The following CARMIL1 variants were observed in gnomAD, a reference collection of about 807,000 sequenced individuals.
CARMIL1 encodes the protein capping protein regulator and myosin 1 linker 1.
Under a neutral mutation model 177.1 loss-of-function variants are expected in CARMIL1, and 90 were observed. That is an observed-to-expected ratio of 0.51 (90% CI 0.43 to 0.61). CARMIL1 has a LOEUF of 0.61. Ranked by LOEUF, CARMIL1 falls within the 20% of genes least tolerant of loss-of-function variation. The probability of loss-of-function intolerance (pLI) is 0.00; values close to 1 mark genes in which losing one functional copy is unlikely to be tolerated. For missense variants in CARMIL1, 1,380 were observed against 1,667.0 expected, an observed-to-expected ratio of 0.83 and a Z score of 3.00; for synonymous variants, 577 against 606.2, an observed-to-expected ratio of 0.95 and a Z score of 0.71.
chr6:25,560,928 T>C lies in CARMIL1; in HGVS notation c.2742+4078T>C, dbSNP rs896725015. On this transcript the variant is annotated intron_variant, in intron 29 of 36. Coordinates refer to ENST00000329474, the MANE Select transcript of CARMIL1 (RefSeq NM_017640.6). The stretch of plus-strand genomic sequence containing the variant: ...AAATATCTGCTGTGTTCAGTTGTTA[T>C]CCAATTGTTAGAAATGAAGTTGCCC... Among the ~76,000 whole-genome samples, 13 of 152,312 alleles carry C rather than the reference T, an allele frequency of 8.5e-5. No individual in the cohort carries two copies. In the East Asian group the frequency reaches 2.5e-3, roughly 29 times the overall value.
At chr6:25,522,512 C>T (rs1400738817) in intron 23 of CARMIL1, among the ~76,000 whole-genome samples, 1 of 152,112 alleles carries the variant, frequency 6.6e-6, no homozygotes, top group Non-Finnish European at 1.5e-5. Flanking sequence ...TTTGAGAATC[C>T]CTACTGTATT....
In CARMIL1 at chr6:25,604,855, C is replaced by A; in HGVS notation, c.3596C>A (p.Ala1199Asp). The A allele has an allele frequency of 6.3e-7, 1 of 1,598,706 alleles. No homozygotes were observed. The highest frequency in any genetic ancestry group is 1.1e-5 in the South Asian group (1 of 87,784). The change falls in exon 34 of 37, where the codon GCT (alanine) becomes GAT (aspartate). Residue 1199 changes from alanine (A) to aspartate (D), a missense_variant. Transcript: ENST00000329474. ...GTATCCCAGGATTCTTCCAGCCCAG[C>A]TTTGAGCGGCGTAGAACGGTCGGAT... is the stretch of plus-strand genomic sequence containing the variant. Reference protein sequence around the residue: ...DAVSQDSSSPALSGVERSDGG... With the variant: ...DAVSQDSSSPDLSGVERSDGG...
intron 2 of CARMIL1, among the ~76,000 whole-genome samples, chr6:25,287,822 C>G (rs973704407): frequency 1.3e-5 from 2 of 152,208 alleles, no homozygotes; most frequent in African/African-American, 4.8e-5. Context: ...TACTTTGTTC[C>G]ATGGTTGCTG....
intron 2 of CARMIL1, among the ~76,000 whole-genome samples, chr6:25,404,587 C>A (rs1794190213): frequency 6.6e-6 from 1 of 152,068 alleles, no homozygotes; most frequent in Admixed American, 6.5e-5. Flanking sequence ...TAAAACCCAT[C>A]TCTACTAAAA....
chr6:25,305,862 A>T (rs2150187336), intron 2 of CARMIL1, among the ~76,000 whole-genome samples: 1 of 152,358 alleles, frequency 6.6e-6, no homozygotes. Context: ...ACCACTGAAG[A>T]CATGTTCATC....
intron 2 of CARMIL1, among the ~76,000 whole-genome samples, chr6:25,392,891 GA>G (rs1214185740): frequency 4.7e-5 from 7 of 147,928 alleles, no homozygotes; most frequent in African/African-American, 1.2e-4. Context: ...TAGTGGATGG[GA>G]AAAAAAAAAC....
rs533737213 is a variant in CARMIL1 at position 25,512,744 on chromosome 6, G to C, written c.1632+1982G>C. Reference sequence around the variant, plus strand: ...GGTTCCAGTGTCACCTTCAACTATAGACAGTGGTTTTCAGTCTGCTGCACC... The same window carrying C: ...GGTTCCAGTGTCACCTTCAACTATACACAGTGGTTTTCAGTCTGCTGCACC... On this transcript the variant is annotated intron_variant, in intron 20 of 36. Transcript: ENST00000329474. Among the ~76,000 whole-genome samples the C allele has an allele frequency of 3.3e-5, 5 of 152,212 alleles. No homozygotes were observed. The South Asian group carries it at 1.0e-3, about 32-fold the overall frequency.
chr6:25,357,106 G>A (rs1304191542), intron 2 of CARMIL1, among the ~76,000 whole-genome samples: 1 of 150,910 alleles, frequency 6.6e-6, no homozygotes, highest in Non-Finnish European at 1.5e-5. Context: ...ACTCTGTAAG[G>A]TTTGAGGAAA....
chr6:25,418,488 T>C (rs1393055788), intron 2 of CARMIL1, among the ~76,000 whole-genome samples: 2 of 151,002 alleles, frequency 1.3e-5, no homozygotes, highest in Non-Finnish European at 2.9e-5. Context: ...TCCCTGTCCC[T>C]CTCCTTTCTA....
At chr6:25,507,698 T>G (rs538636057) in intron 17 of CARMIL1, among the ~76,000 whole-genome samples, 14 of 152,320 alleles carry the variant, frequency 9.2e-5, no homozygotes, top group Admixed American at 9.1e-4. Flanking sequence ...AGAAATTTTC[T>G]AACAGAAATT....
At chr6:25,471,741 A>T (rs1044962590) in intron 10 of CARMIL1, among the ~76,000 whole-genome samples, 1 of 152,182 alleles carries the variant, frequency 6.6e-6, no homozygotes. Context: ...ATTTCATATG[A>T]CTTTACTGCT....
intron 31 of CARMIL1, among the ~76,000 whole-genome samples, chr6:25,586,036 T>G (rs114864537): frequency 0.14 from 20,963 of 152,190 alleles, 1,582 homozygotes; most frequent in Middle Eastern, 0.19. Flanking sequence ...ATCATCATCA[T>G]GGCCCGCCCT....
chr6:25,294,481 C>T (rs553267169), intron 2 of CARMIL1, among the ~76,000 whole-genome samples: 1 of 152,292 alleles, frequency 6.6e-6, no homozygotes, highest in East Asian at 1.9e-4. Context: ...GCACCTCCGA[C>T]AGCTAGGTAT....
chr6:25,495,022 C>T, intron 15 of CARMIL1, 89 bp from the exon 16 acceptor site: 1 of 707,808 alleles, frequency 1.4e-6, no homozygotes, highest in Non-Finnish European at 2.4e-6. Flanking sequence ...GAAAATATGA[C>T]TGATTTGTAG....
In CARMIL1 at chr6:25,323,160, A is replaced by G. The variant is rs541435722; in HGVS notation, c.138+38251A>G. On this transcript the variant is annotated intron_variant, in intron 2 of 36. Transcript: ENST00000329474. ...TTCTAATAGACGCACAGACACAAAA[A>G]TCTGCTTGGTAGGTGGGGTTTTTAC... is the stretch of plus-strand genomic sequence containing the variant. Among the ~76,000 whole-genome samples the G allele has an allele frequency of 2.6e-5, 4 of 152,076 alleles. No individual in the cohort carries two copies. In the South Asian group the frequency reaches 8.3e-4, roughly 32 times the overall value.
chr6:25,325,194 C>T (rs1784972618), intron 2 of CARMIL1, among the ~76,000 whole-genome samples: 1 of 152,172 alleles, frequency 6.6e-6, no homozygotes, highest in South Asian at 2.1e-4. Flanking sequence ...ATTTGTTGAG[C>T]TGTGCCCTGA....
At chr6:25,317,321 A>G (rs959621036) in intron 2 of CARMIL1, among the ~76,000 whole-genome samples, 3 of 151,802 alleles carry the variant, frequency 2.0e-5, no homozygotes, top group African/African-American at 4.8e-5. Flanking sequence ...TTATTTTTTA[A>G]AGATGAGGTC....
chr6:25,421,796 C>T (rs1455084995), intron 3 of CARMIL1, among the ~76,000 whole-genome samples: 1 of 145,276 alleles, frequency 6.9e-6, no homozygotes, highest in Non-Finnish European at 1.5e-5. Context: ...CGCATGTTCT[C>T]ACTCATAGGT....
intron 26 of CARMIL1, among the ~76,000 whole-genome samples, chr6:25,544,793 G>A (rs1463809465): frequency 6.6e-6 from 1 of 152,102 alleles, no homozygotes; most frequent in African/African-American, 2.4e-5. Flanking sequence ...TGTCTAACAC[G>A]CTATAAAATT....
Sources: gnomAD v4.1 joint callset for allele counts (sites outside exome capture counted in the v4.1 genomes callset) on GRCh38, gnomAD v4.1.1 for gene constraint, MANE v1.5 for transcripts, NCBI Gene and HGNC (gene_info 2026-07-23, HGNC 2026-07-21) for gene names.